MAP3K3: variants seen among roughly 807,000 people sequenced by gnomAD.
The protein encoded by MAP3K3 is MAP/ERK kinase kinase 3.
In MAP3K3, 12 loss-of-function variants were observed where a neutral mutation model predicts 80.9. The observed-to-expected ratio is 0.15, with a 90% confidence interval of 0.10 to 0.24. The LOEUF (loss-of-function observed/expected upper bound fraction) is 0.24. MAP3K3 is among the 10% of genes least tolerant of loss of function. The pLI is 1.00. For missense variants in MAP3K3, 596 were observed against 834.7 expected (o/e 0.71, Z 3.52); for synonymous variants, 272 against 307.1 (o/e 0.89, Z 1.19).
intron 7 of MAP3K3, among the ~76,000 whole-genome samples, chr17:63,684,428 A>G (rs2035405359): frequency 6.6e-6 from 1 of 152,146 alleles, no homozygotes. Flanking sequence ...GCTATCCTAT[A>G]TCCTTAGCAA....
intron 3 of MAP3K3, among the ~76,000 whole-genome samples, chr17:63,650,864 T>A (rs929060960): frequency 6.6e-5 from 10 of 152,092 alleles, no homozygotes; most frequent in Admixed American, 3.3e-4. Context: ...GCTAATTTTT[T>A]AAAAAAATGT....
At chr17:63,678,457 A>G (rs2035264291) in intron 6 of MAP3K3, among the ~76,000 whole-genome samples, 1 of 152,116 alleles carries the variant, frequency 6.6e-6, no homozygotes, top group South Asian at 2.1e-4. Context: ...TGTGAGTGAG[A>G]TGTTGAGACA....
intron 5 of MAP3K3, among the ~76,000 whole-genome samples, chr17:63,659,528 T>TC (rs2034841798): frequency 1.4e-5 from 2 of 138,380 alleles, no homozygotes; most frequent in African/African-American, 5.6e-5. Flanking sequence ...TCATGGACTT[T>TC]TTTTTTTTTT....
chr17:63,632,884 C>G, intron 2 of MAP3K3, 82 bp downstream of exon 2: 2 of 1,566,288 alleles, frequency 1.3e-6, no homozygotes, highest in Non-Finnish European at 1.7e-6. Flanking sequence ...GCCAAGGAGA[C>G]TACATTACCA....
At chr17:63,667,186 C>T (rs1001496507) in intron 6 of MAP3K3, 126 bp downstream of exon 6, 1 of 985,068 alleles carries the variant, frequency 1.0e-6, no homozygotes, top group South Asian at 2.2e-5. Context: ...TAGAGTAATC[C>T]TTTATGCCTT....
At chr17:63,679,223 A>G (rs1422314353) in intron 6 of MAP3K3, among the ~76,000 whole-genome samples, 1 of 152,126 alleles carries the variant, frequency 6.6e-6, no homozygotes, top group East Asian at 1.9e-4. Flanking sequence ...AAGTGCACAC[A>G]CACACACAGA....
At position 63,632,712 on chromosome 17, in the gene MAP3K3, C is replaced by T. The variant is rs201760686; in HGVS notation, c.36C>T (p.Asn12=). ...DEQEALNSIM[N]DLVALQMNRR... ...AGGAGGCATTGAACTCAATCATGAA[C>T]GATCTGGTGGCCCTCCAGATGAACC... Residue 12 remains asparagine (N), a synonymous_variant, in exon 2 of 16, where the codon AAC becomes AAT. Transcript: ENST00000361733. 69 of 1,614,006 alleles carry T rather than the reference C, an allele frequency of 4.3e-5. No individual in the cohort carries two copies. The highest frequency in any genetic ancestry group is 2.2e-4 in the East Asian group (10 of 44,862).
At chr17:63,686,961 T>C (rs2035463318) in intron 8 of MAP3K3, among the ~76,000 whole-genome samples, 1 of 152,098 alleles carries the variant, frequency 6.6e-6, no homozygotes, top group South Asian at 2.1e-4. Context: ...TCTTTTAACC[T>C]CTCTATTCCT....
chr17:63,673,252 A>G (rs1355140705), intron 6 of MAP3K3, among the ~76,000 whole-genome samples: 2 of 152,200 alleles, frequency 1.3e-5, no homozygotes, highest in African/African-American at 2.4e-5. Context: ...AAACACAGAT[A>G]AAATCTTTCA....
At chr17:63,678,477 G>T (rs373872525) in intron 6 of MAP3K3, among the ~76,000 whole-genome samples, 5 of 152,258 alleles carry the variant, frequency 3.3e-5, no homozygotes, top group South Asian at 4.1e-4. Flanking sequence ...AGGAAATCCA[G>T]CAAAATTCTA....
chr17:63,660,261 C>T (rs1340876556), intron 5 of MAP3K3, among the ~76,000 whole-genome samples: 2 of 151,928 alleles, frequency 1.3e-5, no homozygotes, highest in East Asian at 3.9e-4. Flanking sequence ...AGTGCAGTGG[C>T]GCAGTGACAG....
At chr17:63,688,945 G>A (rs1250881987) in intron 10 of MAP3K3, 64 bp downstream of exon 10, 2 of 1,266,970 alleles carry the variant, frequency 1.6e-6, no homozygotes, top group African/African-American at 2.9e-5. Flanking sequence ...CCATGGGGAG[G>A]GTGGGTTCGT....
intron 3 of MAP3K3, among the ~76,000 whole-genome samples, chr17:63,651,860 C>G (rs796649852): frequency 3.9e-5 from 6 of 152,238 alleles, no homozygotes; most frequent in African/African-American, 1.2e-4. Flanking sequence ...AGTAGAAAAT[C>G]TTAATTCTGA....
At chr17:63,676,880 G>A (rs565415944) in intron 6 of MAP3K3, among the ~76,000 whole-genome samples, 44 of 152,348 alleles carry the variant, frequency 2.9e-4, no homozygotes, top group South Asian at 4.1e-4. Flanking sequence ...CTCAGGAACA[G>A]CAGGAAGCCT....
chr17:63,655,942 G>A lies in MAP3K3; in HGVS notation c.268-1852G>A, dbSNP rs903643425. ...TGAGATTTTATTTTAAATATGTACTGTTTTTGGCGAGGCGCGATGGTTCAT... is the reference window on the plus strand; with the variant it reads ...TGAGATTTTATTTTAAATATGTACTATTTTTGGCGAGGCGCGATGGTTCAT... On this transcript the variant is annotated intron_variant, in intron 4 of 15. Transcript: ENST00000361733. Among the ~76,000 whole-genome samples, 8 of 152,064 alleles carry A rather than the reference G, an allele frequency of 5.3e-5. 1 individual carries two copies. Among genetic ancestry groups the A allele is most frequent in the Admixed American group, 4.6e-4 (7 of 15,260 alleles).
intron 5 of MAP3K3, among the ~76,000 whole-genome samples, chr17:63,662,650 A>ATTTTTTTTTTTTTTTTTTTTTTTTTTT (rs1192833142): frequency 3.6e-5 from 3 of 82,564 alleles, no homozygotes; most frequent in Non-Finnish European, 4.3e-5. Context: ...AGAAGAGGGA[A>ATTTTTTTTTTTTTTTTTTTTTTTTTTT]TTTTTTTTTT....
intron 2 of MAP3K3, chr17:63,634,658 A>G (rs372318865): frequency 9.6e-6 from 14 of 1,451,162 alleles, no homozygotes; most frequent in Non-Finnish European, 1.3e-5. Flanking sequence ...TGTCAAACTT[A>G]TGTTGCACGA....
intron 5 of MAP3K3, among the ~76,000 whole-genome samples, chr17:63,660,112 G>A (rs1253884851): frequency 2.6e-5 from 4 of 152,114 alleles, no homozygotes; most frequent in Admixed American, 6.6e-5. Flanking sequence ...CATCACCTCC[G>A]CTGATACTGT....
At chr17:63,641,499 C>T (rs1027732103) in intron 2 of MAP3K3, among the ~76,000 whole-genome samples, 1 of 152,050 alleles carries the variant, frequency 6.6e-6, no homozygotes, top group Non-Finnish European at 1.5e-5. Context: ...CCTTGACCTC[C>T]CAAAGTGCTG....
Sources: gnomAD v4.1 joint callset for allele counts (sites outside exome capture counted in the v4.1 genomes callset) on GRCh38, gnomAD v4.1.1 for gene constraint, MANE v1.5 for transcripts, NCBI Gene and HGNC (gene_info 2026-07-23, HGNC 2026-07-21) for gene names.